The following KANSL1L variants were observed in gnomAD, a reference collection of about 807,000 sequenced individuals.
KANSL1L encodes KAT8 regulatory NSL complex subunit 1 like.
In KANSL1L, 25 loss-of-function variants were observed where a neutral mutation model predicts 108.6. The ratio of observed to expected loss-of-function variants is 0.23; its 90% CI spans 0.17 to 0.32. The LOEUF (loss-of-function observed/expected upper bound fraction) is 0.32, where lower values mean the gene tolerates loss of function less well. KANSL1L is among the 10% of genes least tolerant of loss of function. KANSL1L has a pLI of 1.00. For synonymous variants in KANSL1L, 405 were observed against 395.1 expected (o/e 1.03, Z -0.30); for missense variants, 1,137 against 1,125.7 (o/e 1.01, Z -0.14).
chr2:210,038,416 A>G (rs2125170468), intron 8 of KANSL1L, among the ~76,000 whole-genome samples: 1 of 152,160 alleles, frequency 6.6e-6, no homozygotes, highest in Admixed American at 6.5e-5. Context: ...CTTAATATCC[A>G]AGATATTTGA....
At chr2:210,099,626 A>G (rs1209870549) in intron 4 of KANSL1L, among the ~76,000 whole-genome samples, 1 of 152,196 alleles carries the variant, frequency 6.6e-6, no homozygotes, top group Non-Finnish European at 1.5e-5. Context: ...ATAAATTCTG[A>G]AGTATCTCAC....
At chr2:210,067,916 T>C (rs2094478550) in intron 6 of KANSL1L, among the ~76,000 whole-genome samples, 1 of 152,000 alleles carries the variant, frequency 6.6e-6, no homozygotes, top group Non-Finnish European at 1.5e-5. Context: ...CTTGCTCTGT[T>C]GCCCAGGCTG....
intron 6 of KANSL1L, among the ~76,000 whole-genome samples, chr2:210,063,552 G>A (rs546837713): frequency 1.3e-5 from 2 of 152,354 alleles, no homozygotes; most frequent in African/African-American, 4.8e-5. Flanking sequence ...AGGAGCCCAA[G>A]GCCATGGGAG....
chr2:210,160,952 G>C (rs1428279490), intron 1 of KANSL1L, among the ~76,000 whole-genome samples: 1 of 150,976 alleles, frequency 6.6e-6, no homozygotes, highest in Non-Finnish European at 1.5e-5. Flanking sequence ...GAAAAAAACA[G>C]AGCTCAGGAA....
At chr2:210,043,816 T>G (rs1337378770) in intron 7 of KANSL1L, 123 bp downstream of exon 7, 1 of 577,812 alleles carries the variant, frequency 1.7e-6, no homozygotes, top group East Asian at 3.1e-5. Flanking sequence ...AAGGCATTGC[T>G]TAGTTCTAAT....
chr2:210,133,925 G>T (rs192131837), intron 2 of KANSL1L, among the ~76,000 whole-genome samples: 156 of 151,922 alleles, frequency 1.0e-3, no homozygotes, highest in African/African-American at 3.6e-3. Flanking sequence ...TTTTCCTTCA[G>T]CCTGAAGATC....
At chr2:210,110,811 C>A (rs1277835149) in intron 3 of KANSL1L, among the ~76,000 whole-genome samples, 4 of 152,112 alleles carry the variant, frequency 2.6e-5, no homozygotes, top group Non-Finnish European at 5.9e-5. Context: ...TAAACATGGA[C>A]TCTGGGCTGG....
intron 8 of KANSL1L, chr2:210,032,444 CAGA>C (rs1258747524): frequency 6.6e-6 from 1 of 152,172 alleles, no homozygotes; most frequent in East Asian, 1.9e-4. Flanking sequence ...AAACCCAGAG[CAGA>C]AGCACATAGT....
At chr2:210,029,412 ACCCT>A (rs2093983331) in intron 10 of KANSL1L, among the ~76,000 whole-genome samples, 1 of 151,872 alleles carries the variant, frequency 6.6e-6, no homozygotes, top group African/African-American at 2.4e-5. Flanking sequence ...TCATTTCTAA[ACCCT>A]CCCACCTTTT....
At chr2:210,145,156 C>A (rs1435387160) in intron 2 of KANSL1L, among the ~76,000 whole-genome samples, 1 of 152,172 alleles carries the variant, frequency 6.6e-6, no homozygotes, top group African/African-American at 2.4e-5. Context: ...ATTGGGTGCT[C>A]CAGTCACGAA....
intron 8 of KANSL1L, among the ~76,000 whole-genome samples, chr2:210,039,962 T>C (rs1241389919): frequency 2.0e-5 from 3 of 151,822 alleles, no homozygotes; most frequent in African/African-American, 7.2e-5. Flanking sequence ...TTTTGTCATG[T>C]TTCCATATGT....
intron 1 of KANSL1L, among the ~76,000 whole-genome samples, chr2:210,155,687 G>C (rs11682724): frequency 6.6e-6 from 1 of 152,158 alleles, no homozygotes; most frequent in African/African-American, 2.4e-5. Context: ...ATATTGATTC[G>C]CAGAAAAAGG....
chr2:210,094,504 AG>A (rs954933298), intron 5 of KANSL1L, among the ~76,000 whole-genome samples: 3 of 152,136 alleles, frequency 2.0e-5, no homozygotes, highest in African/African-American at 7.2e-5. Context: ...AAATAAAATT[AG>A]GCCTCATTTG....
chr2:210,073,952 C>G (rs2094525168), intron 6 of KANSL1L, among the ~76,000 whole-genome samples: 1 of 152,108 alleles, frequency 6.6e-6, no homozygotes, highest in African/African-American at 2.4e-5. Flanking sequence ...AAAGATACAG[C>G]CCCTATTCTC....
At chr2:210,163,838 T>C (rs1048105940) in intron 1 of KANSL1L, among the ~76,000 whole-genome samples, 5 of 152,286 alleles carry the variant, frequency 3.3e-5, no homozygotes, top group African/African-American at 7.2e-5. Flanking sequence ...GCAGGTGTTA[T>C]GTGTTCACTC....
chr2:210,033,272 A>C (rs1338087812), intron 8 of KANSL1L, among the ~76,000 whole-genome samples: 1 of 152,246 alleles, frequency 6.6e-6, no homozygotes, highest in Non-Finnish European at 1.5e-5. Context: ...TAATACCCTG[A>C]AAGTTATTAA....
chr2:210,024,052 T>C lies in KANSL1L; in HGVS notation c.2714A>G (p.Asn905Ser), dbSNP rs1183923508. ...ACTTACCTTGGTTTCTTGACTTTGA[T>C]TTAAAGAAGGTAAGCCATATGCACA... ...DLCAYGLPSLNQSQETKSLWW... is the reference protein window; with the variant it reads ...DLCAYGLPSLSQSQETKSLWW... Residue 905 changes from asparagine (N) to serine (S), a missense_variant, in exon 14 of 15, where the codon AAT (asparagine) becomes AGT (serine). Physicochemically the swap from Asn to Ser is conservative, Grantham distance 46. This residue lies in a region of KANSL1L where 575 missense variants were observed against 567.1 expected (regional missense o/e 1.01). Transcript: ENST00000281772. 3 of 1,576,518 alleles carry C rather than the reference T, an allele frequency of 1.9e-6. No individual in the cohort carries two copies. Among genetic ancestry groups the C allele is most frequent in the Admixed American group, 1.9e-5 (1 of 53,068 alleles).
chr2:210,094,073 A>G (rs2094715357), intron 5 of KANSL1L, among the ~76,000 whole-genome samples: 1 of 152,140 alleles, frequency 6.6e-6, no homozygotes, highest in Admixed American at 6.6e-5. Context: ...AATGGGAAGT[A>G]TTGTTTAGTG....
At chr2:210,104,963 A>G (rs543558813) in intron 3 of KANSL1L, among the ~76,000 whole-genome samples, 1 of 152,204 alleles carries the variant, frequency 6.6e-6, no homozygotes, top group Admixed American at 6.5e-5. Flanking sequence ...AAATGTAAGG[A>G]ACTGGGGGAA....
Sources: gnomAD v4.1 joint callset for allele counts (sites outside exome capture counted in the v4.1 genomes callset) on GRCh38, gnomAD v4.1.1 for gene constraint, gnomAD v4.1.1 regional missense constraint, MANE v1.5 for transcripts, NCBI Gene and HGNC (gene_info 2026-07-23, HGNC 2026-07-21) for gene names.